The following PGCKA1 variants were observed in gnomAD, a reference collection of about 807,000 sequenced individuals.
PGCKA1 encodes PDCD10 and GCKIII kinases associated 1, also known as PDCD10 and GCKIII kinases-associated protein 1.
the PGCKA1 span, among the ~76,000 whole-genome samples, chr4:37,489,341 G>A: frequency 6.6e-6 from 1 of 151,962 alleles, no homozygotes; most frequent in Non-Finnish European, 1.5e-5. Context: ...TCTCATTTTG[G>A]GGGAAGGAGA....
chr4:37,555,173 C>G, the PGCKA1 span, among the ~76,000 whole-genome samples: 1 of 152,136 alleles, frequency 6.6e-6, no homozygotes, highest in Non-Finnish European at 1.5e-5. Flanking sequence ...TGGTTTTGAT[C>G]TGTCTACCAA....
chr4:37,513,258 C>T, the PGCKA1 span, among the ~76,000 whole-genome samples: 9 of 152,164 alleles, frequency 5.9e-5, no homozygotes, highest in Non-Finnish European at 1.3e-4. Flanking sequence ...TACTTAGCAG[C>T]TTCTAGGTGC....
chr4:37,491,331 T>G, the PGCKA1 span, among the ~76,000 whole-genome samples: 1 of 152,222 alleles, frequency 6.6e-6, no homozygotes, highest in Admixed American at 6.5e-5. Context: ...TAATTATATC[T>G]CGATTTCAAT....
At chr4:37,549,678 C>T in the PGCKA1 span, among the ~76,000 whole-genome samples, 2 of 152,212 alleles carry the variant, frequency 1.3e-5, no homozygotes, top group African/African-American at 4.8e-5. Context: ...CGCCACCTTA[C>T]TCCTGGTATC....
At chr4:37,560,769 A>T in the PGCKA1 span, among the ~76,000 whole-genome samples, 3 of 152,092 alleles carry the variant, frequency 2.0e-5, no homozygotes, top group African/African-American at 7.2e-5. Context: ...ATATCTGTAC[A>T]TCTTTCTAAG....
At chr4:37,578,714 A>C in the PGCKA1 span, among the ~76,000 whole-genome samples, 1 of 151,774 alleles carries the variant, frequency 6.6e-6, no homozygotes, top group Non-Finnish European at 1.5e-5. Context: ...TTCTGTATTC[A>C]TTGTATGTTT....
the PGCKA1 span, among the ~76,000 whole-genome samples, chr4:37,506,699 G>A: frequency 7.1e-4 from 108 of 151,238 alleles, no homozygotes; most frequent in South Asian, 6.7e-3. Flanking sequence ...GTCACCTAAC[G>A]TATGGTTTAT....
the PGCKA1 span, among the ~76,000 whole-genome samples, chr4:37,464,723 G>A: frequency 6.6e-6 from 1 of 152,202 alleles, no homozygotes; most frequent in Non-Finnish European, 1.5e-5. Flanking sequence ...TTTCTAACTA[G>A]AGATGTAAAT....
chr4:37,462,134 T>TGCC, the PGCKA1 span, among the ~76,000 whole-genome samples: 3 of 152,242 alleles, frequency 2.0e-5, no homozygotes, highest in Admixed American at 1.3e-4. Flanking sequence ...ATTCAAACAT[T>TGCC]TAAATTCCAA....
chr4:37,572,055 T>TTCTTTTTC, the PGCKA1 span, among the ~76,000 whole-genome samples: 826 of 106,118 alleles, frequency 7.8e-3, 24 homozygotes, highest in South Asian at 0.015. Flanking sequence ...CACCTTTTTT[T>TTCTTTTTC]TTTTTTTCTT....
At chr4:37,530,251 G>C in the PGCKA1 span, among the ~76,000 whole-genome samples, 103 of 151,720 alleles carry the variant, frequency 6.8e-4, 1 homozygote, top group Non-Finnish European at 1.0e-3. Context: ...TCACTTTTTT[G>C]TTGTTGTTTT....
the PGCKA1 span, chr4:37,460,623 A>G: frequency 2.2e-6 from 1 of 449,150 alleles, no homozygotes; most frequent in East Asian, 7.1e-5. Flanking sequence ...TTGGTCACAT[A>G]AATCTCCTCT....
chr4:37,587,158 T>C, the PGCKA1 span, among the ~76,000 whole-genome samples: 2 of 152,252 alleles, frequency 1.3e-5, no homozygotes, highest in African/African-American at 4.8e-5. Context: ...TTTGGTCACA[T>C]TGCCTCTTCC....
chr4:37,583,418 A>G, the PGCKA1 span, among the ~76,000 whole-genome samples: 1 of 148,824 alleles, frequency 6.7e-6, no homozygotes, highest in Non-Finnish European at 1.5e-5. Flanking sequence ...TTCTTTTTTT[A>G]TTGTTTGTTT....
the PGCKA1 span, chr4:37,588,471 G>A: frequency 5.9e-6 from 1 of 168,736 alleles, no homozygotes; most frequent in South Asian, 1.7e-4. Flanking sequence ...GCAGTGGGCC[G>A]TGCCCTGGTG....
the PGCKA1 span, among the ~76,000 whole-genome samples, chr4:37,496,535 G>A: frequency 0.61 from 92,133 of 152,034 alleles, 28,457 homozygotes; most frequent in South Asian, 0.75. Flanking sequence ...TTTGGGTAGC[G>A]TGATTCCTCC....
chr4:37,460,020 T>A, the PGCKA1 span, among the ~76,000 whole-genome samples: 68 of 152,242 alleles, frequency 4.5e-4, 2 homozygotes, highest in Admixed American at 4.3e-3. Flanking sequence ...CGGTGTGTGT[T>A]GTTCCCCTCC....
At chr4:37,571,260 C>T in the PGCKA1 span, among the ~76,000 whole-genome samples, 1 of 150,926 alleles carries the variant, frequency 6.6e-6, no homozygotes, top group African/African-American at 2.4e-5. Flanking sequence ...ATATGGTCTT[C>T]AGTATATACA....
the PGCKA1 span, among the ~76,000 whole-genome samples, chr4:37,586,823 T>C: frequency 6.6e-6 from 1 of 152,188 alleles, no homozygotes; most frequent in African/African-American, 2.4e-5. Flanking sequence ...GGCAGGAGAA[T>C]CACTTGAACC....
Sources: allele counts gnomAD v4.1 joint callset (sites outside exome capture counted in the v4.1 genomes callset), GRCh38; gene constraint gnomAD v4.1.1; transcripts MANE v1.5; gene names NCBI Gene and HGNC (gene_info 2026-07-23, HGNC 2026-07-21).